EEFSEC: variants seen among roughly 807,000 people sequenced by gnomAD.
The protein encoded by EEFSEC is selenocysteine-specific elongation factor.
EEFSEC carries 43 observed loss-of-function variants against 42.1 expected under a neutral mutation model. The observed-to-expected ratio is 1.02, with a 90% CI of 0.80 to 1.32. The LOEUF is 1.32. EEFSEC is among the 40% of genes most tolerant of loss of function. EEFSEC has a pLI of 0.00. For missense variants in EEFSEC, 745 were observed against 803.6 expected, an observed-to-expected ratio of 0.93 and a Z score of 0.88; for synonymous variants, 354 against 339.1, an observed-to-expected ratio of 1.04 and a Z score of -0.48.
downstream of EEFSEC, chr3:128,408,694 G>C (rs1451107985): frequency 6.3e-6 from 1 of 158,476 alleles, no homozygotes; most frequent in Non-Finnish European, 1.4e-5. Flanking sequence ...GCCCTCCCCA[G>C]CTGTGTTCCA....
At chr3:128,177,858 C>CAG (rs2065367191) in intron 1 of EEFSEC, among the ~76,000 whole-genome samples, 1 of 152,130 alleles carries the variant, frequency 6.6e-6, no homozygotes, top group African/African-American at 2.4e-5. Flanking sequence ...GAGATGAAGG[C>CAG]AGAGTATCAG....
In EEFSEC at chr3:128,351,499, G is replaced by A. The variant is rs149958900; in HGVS notation, c.1444-6718G>A. Reference sequence around the variant, plus strand: ...GCCTCCCAAGCCCTTCCTGTCCTGCGCACGTGGTTCTCCTCACCACAGACC... The same window carrying A: ...GCCTCCCAAGCCCTTCCTGTCCTGCACACGTGGTTCTCCTCACCACAGACC... On this transcript the variant is annotated intron_variant, in intron 5 of 6. Coordinates refer to ENST00000254730, the MANE Select transcript of EEFSEC (RefSeq NM_021937.5). Among the ~76,000 whole-genome samples, 6 of 152,288 alleles carry A rather than the reference G, an allele frequency of 3.9e-5. No homozygotes were observed. In the South Asian group the frequency reaches 6.2e-4, roughly 16 times the overall value.
chr3:128,222,357 A>T (rs2065870262), intron 1 of EEFSEC, among the ~76,000 whole-genome samples: 1 of 152,190 alleles, frequency 6.6e-6, no homozygotes, highest in Admixed American at 6.5e-5. Context: ...TTACTATAGA[A>T]GTACTCATGT....
At chr3:128,271,195 G>A (rs905318313) in intron 4 of EEFSEC, among the ~76,000 whole-genome samples, 2 of 152,144 alleles carry the variant, frequency 1.3e-5, no homozygotes, top group African/African-American at 4.8e-5. Flanking sequence ...CTGTCTTCAA[G>A]GCTGCATCCT....
At chr3:128,386,037 C>T (rs941614792) in intron 6 of EEFSEC, among the ~76,000 whole-genome samples, 1 of 152,228 alleles carries the variant, frequency 6.6e-6, no homozygotes, top group African/African-American at 2.4e-5. Flanking sequence ...CTATTTATGT[C>T]AAGGGAGACT....
chr3:128,158,903 T>C (rs1249806451), intron 1 of EEFSEC, among the ~76,000 whole-genome samples: 1 of 152,228 alleles, frequency 6.6e-6, no homozygotes, highest in African/African-American at 2.4e-5. Context: ...ATTTGGCAAG[T>C]TTTTTATTTA....
intron 6 of EEFSEC, among the ~76,000 whole-genome samples, chr3:128,380,197 G>A (rs3021445): frequency 9.9e-5 from 15 of 152,198 alleles, no homozygotes; most frequent in Non-Finnish European, 2.1e-4. Context: ...CAAGAGCCGA[G>A]GCCCCGAGAG....
chr3:128,323,795 C>T (rs374010620), intron 4 of EEFSEC, among the ~76,000 whole-genome samples: 28 of 152,316 alleles, frequency 1.8e-4, no homozygotes, highest in African/African-American at 5.5e-4. Context: ...ATCACTTGGG[C>T]GGCTGCCATG....
At chr3:128,230,476 G>C (rs2065949169) in intron 1 of EEFSEC, among the ~76,000 whole-genome samples, 1 of 152,178 alleles carries the variant, frequency 6.6e-6, no homozygotes, top group African/African-American at 2.4e-5. Context: ...TTATATTTGG[G>C]ACAACTGCTC....
intron 6 of EEFSEC, among the ~76,000 whole-genome samples, chr3:128,394,086 C>A (rs575775053): frequency 5.3e-4 from 80 of 152,308 alleles, no homozygotes; most frequent in Non-Finnish European, 9.9e-4. Flanking sequence ...CAGGCCACCT[C>A]TGGGATCTGC....
chr3:128,395,350 C>T (rs1350466793), intron 6 of EEFSEC, among the ~76,000 whole-genome samples: 5 of 152,170 alleles, frequency 3.3e-5, no homozygotes, highest in African/African-American at 4.8e-5. Context: ...CCATTGAGGC[C>T]ATGCTGCCTC....
chr3:128,403,934 G>A (rs181334153), intron 6 of EEFSEC, among the ~76,000 whole-genome samples: 1 of 152,342 alleles, frequency 6.6e-6, no homozygotes, highest in East Asian at 1.9e-4. Flanking sequence ...TCTTAGATGA[G>A]TAAACTGCAT....
intron 4 of EEFSEC, among the ~76,000 whole-genome samples, chr3:128,298,976 G>A (rs928258890): frequency 3.9e-5 from 6 of 152,120 alleles, no homozygotes; most frequent in Non-Finnish European, 8.8e-5. Context: ...CTCTCAGTGG[G>A]TACTTAGGTT....
chr3:128,181,275 A>C (rs369362138), intron 1 of EEFSEC, among the ~76,000 whole-genome samples: 4 of 152,328 alleles, frequency 2.6e-5, no homozygotes, highest in African/African-American at 9.6e-5. Flanking sequence ...AATAACTTTC[A>C]TTGTTCCCAT....
intron 1 of EEFSEC, among the ~76,000 whole-genome samples, chr3:128,205,504 C>T (rs1270886429): frequency 2.6e-5 from 4 of 152,194 alleles, no homozygotes; most frequent in African/African-American, 9.7e-5. Flanking sequence ...AATGCCATCA[C>T]AGTGAGATCT....
chr3:128,413,113 G>A (rs993611894), downstream of EEFSEC, among the ~76,000 whole-genome samples: 8 of 152,344 alleles, frequency 5.3e-5, no homozygotes, highest in Non-Finnish European at 8.8e-5. Context: ...GGCCATATGG[G>A]TTGGAGAGGA....
intron 5 of EEFSEC, among the ~76,000 whole-genome samples, chr3:128,356,951 A>G (rs1051102104): frequency 6.6e-6 from 1 of 152,272 alleles, no homozygotes; most frequent in Non-Finnish European, 1.5e-5. Context: ...TTGCTGCTGC[A>G]GTGAGTGACC....
chr3:128,387,057 AGGAGG>A (rs2067848038), intron 6 of EEFSEC, among the ~76,000 whole-genome samples: 1 of 152,182 alleles, frequency 6.6e-6, no homozygotes, highest in Non-Finnish European at 1.5e-5. Context: ...GGCCCAGGTG[AGGAGG>A]ATGGACAACT....
intron 4 of EEFSEC, among the ~76,000 whole-genome samples, chr3:128,339,720 TC>T (rs1015783995): frequency 2.6e-4 from 39 of 152,332 alleles, no homozygotes; most frequent in Non-Finnish European, 5.0e-4. Flanking sequence ...TCTGTGTTAG[TC>T]CGTTTTCACG....
Sources: gnomAD v4.1 joint callset for allele counts (sites outside exome capture counted in the v4.1 genomes callset) on GRCh38, gnomAD v4.1.1 for gene constraint, MANE v1.5 for transcripts, NCBI Gene and HGNC (gene_info 2026-07-23, HGNC 2026-07-21) for gene names.